LILRB1: variants seen among roughly 807,000 people sequenced by gnomAD.
LILRB1 encodes the protein leukocyte immunoglobulin like receptor B1.
In LILRB1, 59 loss-of-function variants were observed where a neutral mutation model predicts 74.6. That is an observed-to-expected ratio of 0.79 (90% CI 0.64 to 0.98). LILRB1 has a LOEUF of 0.98. LILRB1 is among the 50% of genes least tolerant of loss of function. The pLI is 0.00. For synonymous variants in LILRB1, 328 were observed against 333.9 expected, an observed-to-expected ratio of 0.98 and a Z score of 0.19; for missense variants, 804 against 822.6, an observed-to-expected ratio of 0.98 and a Z score of 0.28.
Position 54,637,963 on chromosome 19 carries a change from G to GTA in LILRB1, c.*1093_*1094dup, listed in dbSNP as rs899744506. Reference sequence around the variant, plus strand: ...ACTCATTTTAGATGTGTGTGTGTGTGTATATATATGTGTGTGTGTGTGAAA... The same window carrying GTA: ...ACTCATTTTAGATGTGTGTGTGTGTGTATATATATATGTGTGTGTGTGTGAAA... On this transcript the variant is annotated 3_prime_UTR_variant, in exon 15 of 15. Coordinates refer to ENST00000324602, the MANE Select transcript of LILRB1 (RefSeq NM_001081637.3). Among the ~76,000 whole-genome samples, 5 of 151,878 alleles carry GTA rather than the reference G, an allele frequency of 3.3e-5. No individual in the cohort carries two copies. Among genetic ancestry groups the GTA allele is most frequent in the East Asian group, 3.8e-4 (2 of 5,204 alleles).
chr19:54,626,809 A>G (rs2063603054), upstream of LILRB1, among the ~76,000 whole-genome samples: 3 of 152,224 alleles, frequency 2.0e-5, no homozygotes, highest in Admixed American at 2.0e-4. Flanking sequence ...AAAGCTGATG[A>G]GGAGCATTGC....
rs1446199063 is a variant in LILRB1, at chr19:54,635,483, G to A, written c.1601-74G>A. 11 of 1,563,086 alleles carry A rather than the reference G, an allele frequency of 7.0e-6. No homozygotes were observed. In the Admixed American group the frequency reaches 1.1e-4, roughly 15 times the overall value. ...ATCTCAGTGGCCCCATCTGGGAGCT[G>A]AGCAGGGGCTGGCAGGACTCAGAGG... On this transcript the variant is annotated intron_variant, in intron 12 of 14. Coordinates refer to ENST00000324602, the MANE Select transcript of LILRB1 (RefSeq NM_001081637.3).
rs376284831 is a variant in LILRB1 at position 54,633,641 on chromosome 19, C to T, written c.1265C>T (p.Pro422Leu). The T allele has an allele frequency of 1.6e-4, 255 of 1,613,388 alleles. 1 individual carries two copies. Among genetic ancestry groups the T allele is most frequent in the Admixed American group, 1.3e-3 (76 of 59,976 alleles). Residue 422 changes from proline to leucine, a missense_variant, in exon 8 of 15, where the codon CCG (proline) becomes CTG (leucine). Coordinates refer to ENST00000324602, the MANE Select transcript of LILRB1 (RefSeq NM_001081637.3). ...CTCCTCTCATTCTTTTACCCAGGAC[C>T]GTCTGGGGGCCCCAGCTCCCCGACA... The part of the protein sequence containing the change: ...SDPLELVVSG[P>L]SGGPSSPTTG...
rs1471437826 is a variant in LILRB1, at chr19:54,636,546, A to C, written c.1706A>C (p.His569Pro). 2 of 1,611,474 alleles carry C rather than the reference A, an allele frequency of 1.2e-6. No individual in the cohort carries two copies. Among genetic ancestry groups the C allele is most frequent in the Admixed American group, 1.7e-5 (1 of 59,968 alleles). ...GCAGTGACGTATGCCGAGGTGAAAC[A>C]CTCCAGACCTAGGAGAGAAATGGCC... ...PQAVTYAEVK[H>P]SRPRREMASP... The change falls in exon 14 of 15, where the codon CAC becomes CCC. Residue 569 changes from histidine to proline, a missense_variant. Coordinates refer to ENST00000324602, the MANE Select transcript of LILRB1 (RefSeq NM_001081637.3).
upstream of LILRB1, among the ~76,000 whole-genome samples, chr19:54,627,458 G>C (rs1600335098): frequency 6.6e-6 from 1 of 152,320 alleles, no homozygotes. Context: ...CCAGCTCTCA[G>C]ATAAGAGCTG....
upstream of LILRB1, among the ~76,000 whole-genome samples, chr19:54,628,401 G>T (rs1231225351): frequency 6.6e-6 from 1 of 152,130 alleles, no homozygotes; most frequent in Non-Finnish European, 1.5e-5. Context: ...CCCACAGATT[G>T]AATGGTTCAG....
Position 54,632,188 on chromosome 19 carries a change from T to C in LILRB1, c.612T>C (p.Ser204=). 6.2e-7 allele frequency: 1 copy of C among 1,614,098 alleles called. No homozygotes were observed. Among genetic ancestry groups the C allele is most frequent in the Non-Finnish European group, 8.5e-7 (1 of 1,179,984 alleles). The change falls in exon 5 of 15, where the codon TCT becomes TCC. Residue 204 remains serine (S), a synonymous_variant. Coordinates refer to ENST00000324602, the MANE Select transcript of LILRB1 (RefSeq NM_001081637.3). ...WYRCYAYDSN[S]PYEWSLPSDL... ...GGTGCTATGCTTATGACTCGAACTC[T>C]CCCTATGAGTGGTCTCTACCCAGTG...
upstream of LILRB1, among the ~76,000 whole-genome samples, chr19:54,629,679 C>A (rs113118441): frequency 1.7e-3 from 257 of 152,298 alleles, 4 homozygotes; most frequent in Middle Eastern, 0.017. Context: ...GGTCTGGAGC[C>A]CTGAGCCCCT....
At position 54,631,295 on chromosome 19, in the gene LILRB1, A is replaced by C. The variant is rs1437755442; in HGVS notation, c.59A>C (p.His20Pro). Residue 20 changes from histidine to proline, a missense_variant, in exon 3 of 15, where the codon CAC becomes CCC. Physicochemically the swap from His to Pro is moderately conservative, Grantham distance 77. Transcript: ENST00000324602. ...GGGCTGAGTCTGGGCCCCCGGACCC[A>C]CGTGCAGGCAGGTGAGTCTGTCCCC... ...CLGLSLGPRT[H>P]VQAGHLPKPT... is the part of the protein sequence containing the mutation. 6.2e-7 allele frequency: 1 copy of C among 1,613,256 alleles called. No homozygotes were observed. The highest frequency in any genetic ancestry group is 8.5e-7 in the Non-Finnish European group (1 of 1,179,930).
chr19:54,620,640 C>T (rs576881993), intron 1 of LILRB1, among the ~76,000 whole-genome samples: 120 of 152,246 alleles, frequency 7.9e-4, no homozygotes, highest in Non-Finnish European at 1.1e-3. Flanking sequence ...GGTCTGTTGG[C>T]CCTGAGAAGG....
intron 1 of LILRB1, among the ~76,000 whole-genome samples, chr19:54,620,389 C>A (rs1196281009): frequency 6.6e-6 from 1 of 151,958 alleles, no homozygotes; most frequent in Non-Finnish European, 1.5e-5. Context: ...GAGTCTTGCT[C>A]TGTTGCCCAG....
rs369637637 is a variant in LILRB1, at chr19:54,631,747, C to T, written c.318C>T (p.Gly106=). ...GTTACTATGGTAGCGACACTGCAGG[C>T]CGCTCAGAGAGCAGTGACCCCCTGG... ...YRCYYGSDTA[G]RSESSDPLEL... Residue 106 remains glycine, a synonymous_variant, in exon 4 of 15, where the codon GGC becomes GGT. Transcript: ENST00000324602. 6.8e-6 allele frequency: 11 copies of T among 1,614,148 alleles called. No homozygotes were observed. The African/African-American group carries it at 9.3e-5, about 14-fold the overall frequency.
chr19:54,626,154 A>G (rs2063581903), upstream of LILRB1, among the ~76,000 whole-genome samples: 2 of 152,278 alleles, frequency 1.3e-5, no homozygotes, highest in African/African-American at 2.4e-5. Context: ...CATTCAGCCA[A>G]CTTGAACCTC....
chr19:54,622,779 C>T (rs1339266451), intron 1 of LILRB1, among the ~76,000 whole-genome samples: 1 of 152,128 alleles, frequency 6.6e-6, no homozygotes, highest in Middle Eastern at 3.2e-3. Context: ...TCACTTCTCC[C>T]CATTCAATTT....
chr19:54,630,935 C>G (rs2063775736), intron 1 of LILRB1, 91 bp from the exon 2 acceptor site: 1 of 1,606,440 alleles, frequency 6.2e-7, no homozygotes, highest in South Asian at 1.1e-5. Flanking sequence ...GGCAGTTCCA[C>G]TTCCTGTGTG....
rs1217381568 is a variant in LILRB1, at chr19:54,637,573, A to G, written c.*695A>G. 1.3e-5 allele frequency: 2 copies of G among 151,902 alleles called. No individual in the cohort carries two copies. The highest frequency in any genetic ancestry group is 2.9e-5 in the Non-Finnish European group (2 of 67,992). The allele number at this position is 151,902 out of a possible 1,614,324, so 9.4% of individuals were successfully genotyped here. ...AAAGAAAAAGAGAAAAAAGAAATTT[A>G]GAAGAATAACAAGTTATTCCAAATG... On this transcript the variant is annotated 3_prime_UTR_variant, in exon 15 of 15. Transcript: ENST00000324602.
Position 54,632,488 on chromosome 19 carries a change from C to T in LILRB1, c.686C>T (p.Ser229Leu), listed in dbSNP as rs1442330289. 1 of 1,610,082 alleles carries T rather than the reference C, an allele frequency of 6.2e-7. No homozygotes were observed. Among genetic ancestry groups the T allele is most frequent in the African/African-American group, 1.3e-5 (1 of 74,764 alleles). Residue 229 changes from serine to leucine, a missense_variant, in exon 6 of 15, where the codon TCA (serine) becomes TTA (leucine). By Grantham distance (145) the Ser-to-Leu change is moderately radical. Coordinates refer to ENST00000324602, the MANE Select transcript of LILRB1 (RefSeq NM_001081637.3). ...GGTGTTTCTAAGAAGCCATCACTCT[C>T]AGTGCAGCCAGGTCCTATCGTGGCC... The part of the protein sequence containing the change: ...VLGVSKKPSL[S>L]VQPGPIVAPE...
chr19:54,624,427 G>A (rs1162488524), intron 1 of LILRB1, among the ~76,000 whole-genome samples: 15 of 152,106 alleles, frequency 9.9e-5, no homozygotes, highest in Admixed American at 9.8e-4. Flanking sequence ...ACTCTCTGCA[G>A]GCGTGGTTCC....
At chr19:54,622,665 C>T (rs1191980093) in intron 1 of LILRB1, among the ~76,000 whole-genome samples, 1 of 152,138 alleles carries the variant, frequency 6.6e-6, no homozygotes, top group African/African-American at 2.4e-5. Context: ...CACTTTCTTT[C>T]TTTCTGTTGC....
Sources: gnomAD v4.1 joint callset for allele counts (sites outside exome capture counted in the v4.1 genomes callset) on GRCh38, gnomAD v4.1.1 for gene constraint, MANE v1.5 for transcripts, NCBI Gene and HGNC (gene_info 2026-07-23, HGNC 2026-07-21) for gene names.